LRMDA: variants seen among roughly 807,000 people sequenced by gnomAD.
The protein encoded by LRMDA is leucine-rich melanocyte differentiation-associated protein.
In LRMDA, 18 loss-of-function variants were observed where a neutral mutation model predicts 29.8. The ratio of observed to expected loss-of-function variants is 0.60; its 90% CI spans 0.42 to 0.90. The LOEUF (loss-of-function observed/expected upper bound fraction) is 0.90. LRMDA is among the 40% of genes least tolerant of loss of function. The pLI, the probability that LRMDA is intolerant of heterozygous loss-of-function variation, is 0.00. For synonymous variants in LRMDA, 125 were observed against 109.4 expected, an observed-to-expected ratio of 1.14 and a Z score of -0.89; for missense variants, 273 against 273.9, an observed-to-expected ratio of 1.00 and a Z score of 0.02.
chr10:76,334,239 C>G (rs1247452823), intron 6 of LRMDA, among the ~76,000 whole-genome samples: 1 of 152,184 alleles, frequency 6.6e-6, no homozygotes, highest in East Asian at 1.9e-4. Flanking sequence ...ATTGTTCAGC[C>G]GTGAGCTCGG....
At chr10:75,695,391 A>C (rs1842221468) in intron 2 of LRMDA, among the ~76,000 whole-genome samples, 1 of 151,824 alleles carries the variant, frequency 6.6e-6, no homozygotes, top group Non-Finnish European at 1.5e-5. Context: ...ATTAAAAAAA[A>C]CTAGTTTTTT....
intron 2 of LRMDA, among the ~76,000 whole-genome samples, chr10:75,510,979 T>A (rs2132031922): frequency 6.6e-6 from 1 of 152,282 alleles, no homozygotes; most frequent in South Asian, 2.1e-4. Flanking sequence ...CCCCCTTTTC[T>A]CTGTTCCCTT....
intron 2 of LRMDA, among the ~76,000 whole-genome samples, chr10:75,517,131 C>T (rs538445914): frequency 2.1e-3 from 319 of 152,190 alleles, no homozygotes; most frequent in Middle Eastern, 3.4e-3. Flanking sequence ...AGTCAGGTAG[C>T]ATGATGCCTC....
At chr10:76,023,217 C>CA (rs1848007332) in intron 2 of LRMDA, among the ~76,000 whole-genome samples, 1 of 152,184 alleles carries the variant, frequency 6.6e-6, no homozygotes, top group African/African-American at 2.4e-5. Context: ...TATGCACATA[C>CA]AAAGCCCATC....
chr10:76,219,114 G>A (rs1851780762), intron 5 of LRMDA, among the ~76,000 whole-genome samples: 2 of 152,290 alleles, frequency 1.3e-5, no homozygotes, highest in Middle Eastern at 3.4e-3. Flanking sequence ...CCTGAAGGAA[G>A]CACTAAACAT....
At chr10:76,266,726 A>G (rs1242249687) in intron 5 of LRMDA, among the ~76,000 whole-genome samples, 5 of 152,180 alleles carry the variant, frequency 3.3e-5, no homozygotes, top group African/African-American at 1.2e-4. Context: ...TAATTAGATT[A>G]TTACTAATTT....
intron 5 of LRMDA, among the ~76,000 whole-genome samples, chr10:76,191,205 G>A (rs151187131): frequency 4.6e-5 from 7 of 152,170 alleles, no homozygotes; most frequent in Admixed American, 1.3e-4. Flanking sequence ...CTGTAATGGC[G>A]GTAAGATGGG....
At chr10:75,692,222 AT>A (rs61515105) in intron 2 of LRMDA, among the ~76,000 whole-genome samples, 1,280 of 31,166 alleles carry the variant, frequency 0.041, 11 homozygotes, top group Middle Eastern at 0.13. Flanking sequence ...AAAAAAAAAT[AT>A]ATATATATAT....
At chr10:76,429,788 G>A (rs1384732038) in intron 6 of LRMDA, among the ~76,000 whole-genome samples, 1 of 152,132 alleles carries the variant, frequency 6.6e-6, no homozygotes, top group Non-Finnish European at 1.5e-5. Context: ...CTGGGCAGGG[G>A]CCACCCAGCT....
At chr10:75,937,579 C>T (rs1846319242) in intron 2 of LRMDA, among the ~76,000 whole-genome samples, 1 of 152,178 alleles carries the variant, frequency 6.6e-6, no homozygotes, top group African/African-American at 2.4e-5. Flanking sequence ...TTGCCAAAAG[C>T]TCTCCAATTT....
At chr10:76,021,926 C>A (rs1847981218) in intron 2 of LRMDA, among the ~76,000 whole-genome samples, 1 of 152,168 alleles carries the variant, frequency 6.6e-6, no homozygotes, top group South Asian at 2.1e-4. Flanking sequence ...ACGCTTTTTC[C>A]TATGCAGAAA....
intron 2 of LRMDA, among the ~76,000 whole-genome samples, chr10:75,997,147 C>G (rs770407020): frequency 1.7e-4 from 26 of 152,112 alleles, no homozygotes; most frequent in Non-Finnish European, 3.1e-4. Flanking sequence ...CTGTAATTCC[C>G]CACTTCCCAG....
At chr10:75,542,825 G>A (rs899051861) in intron 2 of LRMDA, among the ~76,000 whole-genome samples, 32 of 152,158 alleles carry the variant, frequency 2.1e-4, no homozygotes, top group African/African-American at 6.8e-4. Context: ...GATTGGTTTC[G>A]CTTGATCCAA....
rs539791232 is a variant in LRMDA at position 76,396,900 on chromosome 10, C to T, written c.601+72415C>T. Among the ~76,000 whole-genome samples the T allele has an allele frequency of 2.0e-5, 3 of 152,276 alleles. No individual in the cohort carries two copies. In the South Asian group the frequency reaches 6.2e-4, roughly 32 times the overall value. On this transcript the variant is annotated intron_variant, in intron 6 of 6. Coordinates refer to ENST00000611255, the MANE Select transcript of LRMDA (RefSeq NM_001305581.2). ...ATTTTCCTGAGAGTCTGAGGAATCA[C>T]ATTCTCATTGCTGCAGGCCCCCAGA...
intron 6 of LRMDA, among the ~76,000 whole-genome samples, chr10:76,408,338 A>G (rs1459793521): frequency 1.3e-5 from 2 of 152,214 alleles, no homozygotes; most frequent in African/African-American, 4.8e-5. Context: ...ATCTAACTAT[A>G]TAAAACACTC....
At chr10:76,080,809 A>G (rs1045866000) in intron 5 of LRMDA, among the ~76,000 whole-genome samples, 1 of 152,212 alleles carries the variant, frequency 6.6e-6, no homozygotes, top group Non-Finnish European at 1.5e-5. Flanking sequence ...TCCCATCTAC[A>G]TAAGTCAGAG....
At chr10:76,091,985 C>G (rs370733570) in intron 5 of LRMDA, among the ~76,000 whole-genome samples, 1 of 152,300 alleles carries the variant, frequency 6.6e-6, no homozygotes, top group African/African-American at 2.4e-5. Context: ...CCAGTATCCC[C>G]CTTTCACTGG....
intron 2 of LRMDA, among the ~76,000 whole-genome samples, chr10:75,926,463 G>A (rs527537091): frequency 1.1e-4 from 16 of 152,298 alleles, no homozygotes; most frequent in Middle Eastern, 3.4e-3. Flanking sequence ...ATAGTAAGCC[G>A]GTTTCCAGAA....
chr10:76,408,142 A>G (rs1841921865), intron 6 of LRMDA, among the ~76,000 whole-genome samples: 1 of 152,194 alleles, frequency 6.6e-6, no homozygotes, highest in South Asian at 2.1e-4. Context: ...TTGGGTTTTG[A>G]TGAGAGTCTG....
Sources: gnomAD v4.1 joint callset for allele counts (sites outside exome capture counted in the v4.1 genomes callset) on GRCh38, gnomAD v4.1.1 for gene constraint, MANE v1.5 for transcripts, NCBI Gene and HGNC (gene_info 2026-07-23, HGNC 2026-07-21) for gene names.